NAALADL2: variants seen among roughly 807,000 people sequenced by gnomAD.
NAALADL2 encodes the protein inactive N-acetylated-alpha-linked acidic dipeptidase-like protein 2.
In NAALADL2, 76 loss-of-function variants were observed where a neutral mutation model predicts 87.2. The observed-to-expected ratio is 0.87, with a 90% CI of 0.72 to 1.05. The LOEUF (loss-of-function observed/expected upper bound fraction) is 1.05. Among genes scored for constraint, NAALADL2 ranks in the 50% least tolerant of loss-of-function variants. The pLI is 0.00. For synonymous variants in NAALADL2, 354 were observed against 331.0 expected (o/e 1.07, Z -0.75); for missense variants, 1,089 against 945.8 (o/e 1.15, Z -1.99).
At chr3:174,716,543 G>A (rs1731207940) in intron 2 of NAALADL2, among the ~76,000 whole-genome samples, 1 of 151,622 alleles carries the variant, frequency 6.6e-6, no homozygotes, top group Non-Finnish European at 1.5e-5. Context: ...CTAAAATTTA[G>A]GTGCCTGTAT....
At chr3:175,648,507 T>C (rs75426196) in intron 11 of NAALADL2, among the ~76,000 whole-genome samples, 6,256 of 149,852 alleles carry the variant, frequency 0.042, 353 homozygotes, top group African/African-American at 0.14. Context: ...TTTTTTTTTT[T>C]GCTTTCTTCC....
At chr3:174,872,531 A>G (rs1185497433) in intron 1 of NAALADL2, among the ~76,000 whole-genome samples, 2 of 152,186 alleles carry the variant, frequency 1.3e-5, no homozygotes, top group African/African-American at 4.8e-5. Flanking sequence ...AAATTTAAAC[A>G]TGCTAAATTT....
intron 2 of NAALADL2, among the ~76,000 whole-genome samples, chr3:174,679,122 C>T (rs1157724062): frequency 1.3e-5 from 2 of 152,102 alleles, no homozygotes; most frequent in East Asian, 3.9e-4. Flanking sequence ...TTGCTTGTCT[C>T]TTCTGACGTT....
intron 1 of NAALADL2, among the ~76,000 whole-genome samples, chr3:175,088,772 G>GT (rs1560010416): frequency 2.0e-5 from 3 of 152,172 alleles, no homozygotes; most frequent in African/African-American, 7.2e-5. Flanking sequence ...AAATTGCAGT[G>GT]TATCTATCAA....
intron 11 of NAALADL2, among the ~76,000 whole-genome samples, chr3:175,713,716 C>T (rs1445693653): frequency 6.6e-6 from 1 of 151,814 alleles, no homozygotes; most frequent in Non-Finnish European, 1.5e-5. Context: ...TTTTTTCTTA[C>T]CACCCCAAAT....
intron 11 of NAALADL2, among the ~76,000 whole-genome samples, chr3:175,693,791 C>T (rs1464618373): frequency 3.9e-5 from 6 of 152,062 alleles, no homozygotes; most frequent in South Asian, 2.1e-4. Context: ...CTCCCCGACC[C>T]GGGTTCAAGC....
chr3:174,817,465 G>A (rs1030546819), intron 3 of NAALADL2, among the ~76,000 whole-genome samples: 2 of 152,034 alleles, frequency 1.3e-5, no homozygotes, highest in African/African-American at 4.8e-5. Flanking sequence ...AGACAGGCAC[G>A]GTGCCACATA....
chr3:174,675,624 G>A (rs1002373334), intron 2 of NAALADL2, among the ~76,000 whole-genome samples: 1 of 152,010 alleles, frequency 6.6e-6, no homozygotes, highest in Admixed American at 6.6e-5. Context: ...TGCAGCTGTA[G>A]CAGTGTTATT....
chr3:175,131,755 G>A (rs1349402493), intron 2 of NAALADL2, among the ~76,000 whole-genome samples: 6 of 150,762 alleles, frequency 4.0e-5, no homozygotes, highest in Non-Finnish European at 5.9e-5. Flanking sequence ...GGACAGGGCG[G>A]CTGGCCGGGC....
intron 9 of NAALADL2, among the ~76,000 whole-genome samples, chr3:175,481,381 A>G (rs1204573779): frequency 1.3e-5 from 2 of 149,542 alleles, no homozygotes; most frequent in Non-Finnish European, 3.0e-5. Flanking sequence ...AGCTGTGTCT[A>G]CATACTCTTT....
intron 1 of NAALADL2, among the ~76,000 whole-genome samples, chr3:175,016,920 A>G (rs1208795883): frequency 6.6e-6 from 1 of 152,024 alleles, no homozygotes; most frequent in Non-Finnish European, 1.5e-5. Context: ...TGTTGGGAAC[A>G]TTCATGTTAT....
At chr3:175,572,663 G>T (rs540075712) in intron 9 of NAALADL2, among the ~76,000 whole-genome samples, 192 of 152,282 alleles carry the variant, frequency 1.3e-3, no homozygotes, top group African/African-American at 4.6e-3. Flanking sequence ...GAAGCTAAAT[G>T]ATAGTAGCTA....
intron 5 of NAALADL2, among the ~76,000 whole-genome samples, chr3:175,412,323 C>A (rs1267373137): frequency 6.6e-6 from 1 of 152,140 alleles, no homozygotes; most frequent in Admixed American, 6.5e-5. Context: ...ATTTACATCA[C>A]TCTAAAGAAG....
At chr3:174,463,890 GC>G (rs1362859089) in intron 1 of NAALADL2, among the ~76,000 whole-genome samples, 4 of 152,044 alleles carry the variant, frequency 2.6e-5, no homozygotes, top group African/African-American at 9.7e-5. Context: ...GAGCCACCGG[GC>G]CCGGCCAAGA....
intron 3 of NAALADL2, among the ~76,000 whole-genome samples, chr3:175,238,729 C>T (rs1214072339): frequency 4.6e-5 from 7 of 152,166 alleles, no homozygotes; most frequent in East Asian, 3.9e-4. Flanking sequence ...ATAGATAAGG[C>T]GCTGGTGATT....
chr3:175,118,913 T>C (rs1231281842), intron 2 of NAALADL2, among the ~76,000 whole-genome samples: 1 of 151,772 alleles, frequency 6.6e-6, no homozygotes, highest in African/African-American at 2.4e-5. Context: ...TGGTCCATTT[T>C]TTCCCCTTTG....
At chr3:174,470,153 C>T (rs1419833623) in intron 1 of NAALADL2, among the ~76,000 whole-genome samples, 1 of 152,122 alleles carries the variant, frequency 6.6e-6, no homozygotes, top group Non-Finnish European at 1.5e-5. Flanking sequence ...ACAACCTTGC[C>T]AGCATCTGTT....
chr3:175,550,454 A>G lies in NAALADL2; in HGVS notation c.1654-25587A>G, dbSNP rs551904267. On this transcript the variant is annotated intron_variant, in intron 9 of 13. Coordinates refer to ENST00000454872, the MANE Select transcript of NAALADL2 (RefSeq NM_207015.3). ...AACTTGACTAGGTAGAAACAACATG[A>G]AGGCAAATATTAAAATTTATTGTTT... Among the ~76,000 whole-genome samples, 3 of 152,156 alleles carry G rather than the reference A, an allele frequency of 2.0e-5. No homozygotes were observed. In the South Asian group the frequency reaches 6.2e-4, roughly 32 times the overall value.
Position 175,534,024 on chromosome 3 carries a change from TTTATTTATTTATTATAAATAAA to T in NAALADL2, c.1654-42004_1654-41983del, listed in dbSNP as rs1218098368. On this transcript the variant is annotated intron_variant, in intron 9 of 13. Transcript: ENST00000454872. Reference sequence around the variant, plus strand: ...CAGTGAATCAGGAGTGTCAAATGCATTTATTTATTTATTATAAATAAATTATTTATTTATAATAAATAAATTA... The same window carrying T: ...CAGTGAATCAGGAGTGTCAAATGCATTTATTTATTTATAATAAATAAATTA... Among the ~76,000 whole-genome samples the T allele has an allele frequency of 1.3e-3, 181 of 144,782 alleles. 1 individual carries two copies. The highest frequency in any genetic ancestry group is 7.1e-3 in the Middle Eastern group (2 of 280). 95.0% of individuals were successfully genotyped at this position (144,782 alleles called of 152,430 possible).
Sources: allele counts gnomAD v4.1 joint callset (sites outside exome capture counted in the v4.1 genomes callset), GRCh38; gene constraint gnomAD v4.1.1; transcripts MANE v1.5; gene names NCBI Gene and HGNC (gene_info 2026-07-23, HGNC 2026-07-21).